HSD17B3: variants seen among roughly 807,000 people sequenced by gnomAD.
HSD17B3 encodes the protein hydroxysteroid 17-beta dehydrogenase 3.
A neutral mutation model predicts 41.1 loss-of-function variants in HSD17B3; 29 were observed. The observed-to-expected ratio is 0.71, with a 90% CI of 0.53 to 0.96. The LOEUF (loss-of-function observed/expected upper bound fraction) is 0.96. HSD17B3 is among the 40% of genes least tolerant of loss of function. The probability of loss-of-function intolerance (pLI) is 0.00; values close to 1 mark genes in which losing one functional copy is unlikely to be tolerated. For synonymous variants in HSD17B3, 126 were observed against 145.6 expected (o/e 0.87, Z 0.97); for missense variants, 323 against 374.6 (o/e 0.86, Z 1.14).
intron 9 of HSD17B3, among the ~76,000 whole-genome samples, chr9:96,241,455 T>C (rs1258092153): frequency 6.6e-6 from 1 of 152,166 alleles, no homozygotes; most frequent in Non-Finnish European, 1.5e-5. Context: ...CACACTTCAG[T>C]TAGGAACCAA....
rs372794511 is a variant in HSD17B3 at position 96,270,962 on chromosome 9, G to A, written c.202-16019C>T. Reference sequence around the variant, plus strand: ...ATCTCTCAAATCCTCTCGGGGGGGGGGGTTAAGATTGATATTATCAAAAAG... The same window carrying A: ...ATCTCTCAAATCCTCTCGGGGGGGGAGGTTAAGATTGATATTATCAAAAAG... On this transcript the variant is annotated intron_variant, in intron 2 of 10. Coordinates refer to ENST00000375263, the MANE Select transcript of HSD17B3 (RefSeq NM_000197.2). Among the ~76,000 whole-genome samples, 170 of 144,664 alleles carry A rather than the reference G, an allele frequency of 1.2e-3. 2 individuals are homozygous for A. The highest frequency in any genetic ancestry group is 0.011 in the Middle Eastern group (3 of 272). The allele number at this position is 144,664 out of a possible 152,430, so 94.9% of individuals were successfully genotyped here.
intron 2 of HSD17B3, among the ~76,000 whole-genome samples, chr9:96,292,796 A>G (rs956669025): frequency 1.3e-5 from 2 of 152,196 alleles, no homozygotes; most frequent in African/African-American, 4.8e-5. Context: ...CAAGAGAGAA[A>G]CACTCCCCTG....
At chr9:96,280,015 C>T (rs575912778) in intron 2 of HSD17B3, among the ~76,000 whole-genome samples, 10 of 152,246 alleles carry the variant, frequency 6.6e-5, no homozygotes, top group African/African-American at 2.2e-4. Context: ...GTGATCTGCC[C>T]GCCTGGGCCT....
At chr9:96,251,180 GT>G in intron 5 of HSD17B3, 1 of 583,872 alleles carries the variant, frequency 1.7e-6, no homozygotes, top group Non-Finnish European at 3.1e-6. Flanking sequence ...GGACAGGTAA[GT>G]TTTGATGTGC....
Position 96,245,543 on chromosome 9 carries a change from C to T in HSD17B3, c.525-117G>A, listed in dbSNP as rs1186753922. The T allele has an allele frequency of 9.2e-6, 7 of 760,070 alleles. No individual in the cohort carries two copies. The Admixed American group carries it at 1.4e-4, about 15-fold the overall frequency. The allele number at this position is 760,070 out of a possible 1,614,324, so 47.1% of individuals were successfully genotyped here. On this transcript the variant is annotated intron_variant, in intron 7 of 10. Transcript: ENST00000375263. ...GGACTCGACCCTTTCTAGGCTTCCG[C>T]AAGTGCTAGGGGCTCTGCTTCTAGG...
At chr9:96,258,795 A>G (rs1312189029) in intron 2 of HSD17B3, among the ~76,000 whole-genome samples, 2 of 152,108 alleles carry the variant, frequency 1.3e-5, no homozygotes, top group African/African-American at 4.8e-5. Context: ...TCTTCTAAAC[A>G]TTTAGAAGTT....
chr9:96,288,752 T>C (rs1827028521), intron 2 of HSD17B3, among the ~76,000 whole-genome samples: 1 of 151,872 alleles, frequency 6.6e-6, no homozygotes, highest in Non-Finnish European at 1.5e-5. Flanking sequence ...CTGGCTAACA[T>C]GTTGAAACCC....
intron 1 of HSD17B3, 51 bp from the exon 2 acceptor site, chr9:96,298,513 T>G (rs367815578): frequency 3.3e-6 from 5 of 1,497,626 alleles, no homozygotes; most frequent in Middle Eastern, 1.7e-4. Flanking sequence ...TTTAAACTTC[T>G]CTTTCTCACT....
chr9:96,285,438 T>C lies in HSD17B3; in HGVS notation c.201+12978A>G, dbSNP rs544370407. Among the ~76,000 whole-genome samples, 11 of 152,304 alleles carry C rather than the reference T, an allele frequency of 7.2e-5. No homozygotes were observed. In the South Asian group the frequency reaches 2.3e-3, roughly 32 times the overall value. ...GAAGAAATAAGAGGAATGGGTAATATAAAAATCTGAATCAGTCCTCTAATT... is the reference window on the plus strand; with the variant it reads ...GAAGAAATAAGAGGAATGGGTAATACAAAAATCTGAATCAGTCCTCTAATT... On this transcript the variant is annotated intron_variant, in intron 2 of 10. Transcript: ENST00000375263.
In HSD17B3 at chr9:96,279,722, C is replaced by T. The variant is rs1826609278; in HGVS notation, c.201+18694G>A. Among the ~76,000 whole-genome samples the T allele has an allele frequency of 2.0e-5, 3 of 151,948 alleles. 1 individual carries two copies. Among genetic ancestry groups the T allele is most frequent in the Middle Eastern group, 6.8e-3 (2 of 294 alleles). ...TAAAATACTTTGATTTCTTTTAGGGCCTGCTGTCTGTGATGTTGGTATCTT... is the reference window on the plus strand; with the variant it reads ...TAAAATACTTTGATTTCTTTTAGGGTCTGCTGTCTGTGATGTTGGTATCTT... On this transcript the variant is annotated intron_variant, in intron 2 of 10. Transcript: ENST00000375263.
chr9:96,276,700 C>A (rs8190522), intron 2 of HSD17B3, among the ~76,000 whole-genome samples: 1 of 151,842 alleles, frequency 6.6e-6, no homozygotes, highest in South Asian at 2.1e-4. Flanking sequence ...ACTAGATATC[C>A]GCATGCAGAA....
intron 6 of HSD17B3, among the ~76,000 whole-genome samples, chr9:96,246,856 T>G (rs765875098): frequency 6.6e-6 from 1 of 151,944 alleles, no homozygotes; most frequent in Non-Finnish European, 1.5e-5. Context: ...TCCTGGAAAA[T>G]GAGGGCAGTG....
intron 2 of HSD17B3, among the ~76,000 whole-genome samples, chr9:96,287,406 C>A (rs1447639172): frequency 6.6e-6 from 1 of 152,178 alleles, no homozygotes; most frequent in East Asian, 1.9e-4. Context: ...CTGTCGCCAG[C>A]CGACCTTAAT....
At chr9:96,287,330 C>T (rs1355282081) in intron 2 of HSD17B3, among the ~76,000 whole-genome samples, 2 of 152,230 alleles carry the variant, frequency 1.3e-5, no homozygotes, top group Non-Finnish European at 2.9e-5. Flanking sequence ...CACACCAACA[C>T]ACACAGCCAC....
intron 2 of HSD17B3, among the ~76,000 whole-genome samples, chr9:96,256,540 A>C (rs565639218): frequency 6.6e-6 from 1 of 152,286 alleles, no homozygotes; most frequent in South Asian, 2.1e-4. Flanking sequence ...GCGTGATGGC[A>C]CACGCCTGTG....
chr9:96,239,082 G>A (rs1428267535), intron 10 of HSD17B3, among the ~76,000 whole-genome samples: 2 of 152,166 alleles, frequency 1.3e-5, no homozygotes, highest in Admixed American at 6.5e-5. Context: ...CAGTAGCTGG[G>A]GAGACCTTAT....
At chr9:96,264,548 TTTTTAGTAGAGACGGGGTTTTGC>T (rs1220459851) in intron 2 of HSD17B3, among the ~76,000 whole-genome samples, 1 of 152,180 alleles carries the variant, frequency 6.6e-6, no homozygotes, top group Non-Finnish European at 1.5e-5. Context: ...GTTTGTTGTA[TTTTTAGTAGAGACGGGGTTTTGC>T]CATGTTGGCC....
chr9:96,276,787 A>C (rs894067243), intron 2 of HSD17B3, among the ~76,000 whole-genome samples: 1 of 152,256 alleles, frequency 6.6e-6, no homozygotes, highest in African/African-American at 2.4e-5. Context: ...TGCAACCTCT[A>C]AAGCCATAAG....
intron 9 of HSD17B3, 25 bp downstream of exon 9, chr9:96,244,304 A>G (rs775741618): frequency 3.4e-5 from 54 of 1,611,704 alleles, no homozygotes; most frequent in South Asian, 2.2e-4. Context: ...GATGATGACA[A>G]GGACTCCACA....
Sources: allele counts gnomAD v4.1 joint callset (sites outside exome capture counted in the v4.1 genomes callset), GRCh38; gene constraint gnomAD v4.1.1; transcripts MANE v1.5; gene names NCBI Gene and HGNC (gene_info 2026-07-23, HGNC 2026-07-21).